IREB2: variants seen among roughly 807,000 people sequenced by gnomAD.
The protein encoded by IREB2 is iron-responsive element-binding protein 2.
A neutral mutation model predicts 118.8 loss-of-function variants in IREB2; 39 were observed. The observed-to-expected ratio is 0.33, with a 90% CI of 0.25 to 0.43. The LOEUF (loss-of-function observed/expected upper bound fraction) is 0.43, where lower values mean the gene tolerates loss of function less well. Among genes scored for constraint, IREB2 ranks in the 20% least tolerant of loss-of-function variants. The pLI, the probability that IREB2 is intolerant of heterozygous loss-of-function variation, is 1.00. For synonymous variants in IREB2, 372 were observed against 392.2 expected, an observed-to-expected ratio of 0.95 and a Z score of 0.61; for missense variants, 900 against 1,147.3, an observed-to-expected ratio of 0.78 and a Z score of 3.11.
chr15:78,488,769 G>A lies in IREB2; in HGVS notation c.2074G>A (p.Glu692Lys). The change falls in exon 16 of 22, where the codon GAA becomes AAA. Residue 692 changes from glutamate (E) to lysine (K), a missense_variant and splice_region_variant. Physicochemically the swap from Glu to Lys is moderately conservative, Grantham distance 56. Coordinates refer to ENST00000258886, the MANE Select transcript of IREB2 (RefSeq NM_004136.4). ...SMFKALKDKI[E>K]MGNKRWNSLE... ...GTTTAAAGCATTAAAAGATAAAATAGAAGTAAGAGTCTTATGTGTTTCTTA... is the reference window on the plus strand; with the variant it reads ...GTTTAAAGCATTAAAAGATAAAATAAAAGTAAGAGTCTTATGTGTTTCTTA... 1 of 1,482,826 alleles carries A rather than the reference G, an allele frequency of 6.7e-7. No individual in the cohort carries two copies. The highest frequency in any genetic ancestry group is 9.3e-7 in the Non-Finnish European group (1 of 1,069,786). The allele number at this position is 1,482,826 out of a possible 1,614,324, so 91.9% of individuals were successfully genotyped here. A position where few individuals can be genotyped will look rare whatever the true frequency, so the allele number is the denominator to read the frequency against.
intron 2 of IREB2, among the ~76,000 whole-genome samples, chr15:78,450,028 G>A (rs751985305): frequency 6.6e-6 from 1 of 152,082 alleles, no homozygotes; most frequent in Non-Finnish European, 1.5e-5. Flanking sequence ...ATTAGAAGAG[G>A]CAGACGTAAT....
chr15:78,448,821 G>T (rs1217807479), intron 2 of IREB2, among the ~76,000 whole-genome samples: 1 of 152,190 alleles, frequency 6.6e-6, no homozygotes, highest in Non-Finnish European at 1.5e-5. Context: ...GGCAGGCCTA[G>T]AGAACCTGTG....
chr15:78,488,173 T>C lies in IREB2; in HGVS notation c.1795-7T>C. ...TTTATTTGTTTGTGTGTTTGTGTTT[T>C]TTTCAGGGTGATTTGGTTACCTGTG... On this transcript the variant is annotated splice_region_variant and splice_polypyrimidine_tract_variant and intron_variant, in intron 14 of 21. Transcript: ENST00000258886. The C allele has an allele frequency of 6.2e-7, 1 of 1,603,288 alleles. No homozygotes were observed. Among genetic ancestry groups the C allele is most frequent in the South Asian group, 1.1e-5 (1 of 89,152 alleles).
Position 78,498,176 on chromosome 15 carries a change from G to A in IREB2, c.*33G>A. On this transcript the variant is annotated 3_prime_UTR_variant, in exon 22 of 22. Coordinates refer to ENST00000258886, the MANE Select transcript of IREB2 (RefSeq NM_004136.4). ...TTACCATAGATACCTTTCATAACTG[G>A]TAACTGCAAAGCCTTTTGTGCTGGA... 2 of 1,243,062 alleles carry A rather than the reference G, an allele frequency of 1.6e-6. No homozygotes were observed. The highest frequency in any genetic ancestry group is 2.4e-6 in the Non-Finnish European group (2 of 843,402). 77.0% of individuals were successfully genotyped at this position (1,243,062 alleles called of 1,614,324 possible).
chr15:78,448,641 C>G (rs2050972304), intron 2 of IREB2, among the ~76,000 whole-genome samples: 1 of 152,194 alleles, frequency 6.6e-6, no homozygotes, highest in Non-Finnish European at 1.5e-5. Context: ...GTTGCCAGGC[C>G]TGATGGGATT....
At position 78,487,662 on chromosome 15, in the gene IREB2, C is replaced by G. The variant is rs2051682213; in HGVS notation, c.1710-71C>G. The G allele has an allele frequency of 1.9e-5, 16 of 826,068 alleles. No individual in the cohort carries two copies. The South Asian group carries it at 2.3e-4, about 12-fold the overall frequency. The allele number at this position is 826,068 out of a possible 1,614,324, so 51.2% of individuals were successfully genotyped here. On this transcript the variant is annotated intron_variant, in intron 13 of 21. Coordinates refer to ENST00000258886, the MANE Select transcript of IREB2 (RefSeq NM_004136.4). ...TAATCTTATTACAGTGATAGAAATA[C>G]AAGATAAGACTTGTCCTTTCTCTAT... is the stretch of plus-strand genomic sequence containing the variant.
intron 2 of IREB2, among the ~76,000 whole-genome samples, chr15:78,456,460 C>T (rs1022407746): frequency 3.3e-5 from 5 of 151,726 alleles, no homozygotes; most frequent in Non-Finnish European, 2.9e-5. Flanking sequence ...CCCAGGAGTT[C>T]GAGAACTCCC....
rs570358843 is a variant in IREB2 at position 78,459,381 on chromosome 15, G to A, written c.107-3541G>A. On this transcript the variant is annotated intron_variant, in intron 2 of 21. Coordinates refer to ENST00000258886, the MANE Select transcript of IREB2 (RefSeq NM_004136.4). ...TTTTTGTTTTTTGAGACAGAGTCTCGCTCTGTTGCCCAGGCTGGAGTGCAG... is the reference window on the plus strand; with the variant it reads ...TTTTTGTTTTTTGAGACAGAGTCTCACTCTGTTGCCCAGGCTGGAGTGCAG... Among the ~76,000 whole-genome samples the A allele has an allele frequency of 1.2e-4, 18 of 151,252 alleles. No homozygotes were observed. In the South Asian group the frequency reaches 3.6e-3, roughly 30 times the overall value.
At chr15:78,467,047 G>C (rs540416282) in intron 5 of IREB2, among the ~76,000 whole-genome samples, 3 of 151,738 alleles carry the variant, frequency 2.0e-5, no homozygotes, top group African/African-American at 7.2e-5. Flanking sequence ...GTGAAACCCT[G>C]TGTCTACAAA....
chr15:78,495,372 A>G (rs925182277), intron 20 of IREB2, among the ~76,000 whole-genome samples: 1 of 152,290 alleles, frequency 6.6e-6, no homozygotes, highest in East Asian at 1.9e-4. Context: ...AGCTTTCCTT[A>G]TATGGCAGGT....
At chr15:78,490,267 A>G (rs112262783) in intron 16 of IREB2, among the ~76,000 whole-genome samples, 155 bp from the exon 17 acceptor site, 6 of 152,304 alleles carry the variant, frequency 3.9e-5, no homozygotes, top group African/African-American at 1.4e-4. Flanking sequence ...AGAAAAGAAT[A>G]CACTCTTAAT....
At chr15:78,456,499 C>CAA (rs943194351) in intron 2 of IREB2, among the ~76,000 whole-genome samples, 1 of 149,822 alleles carries the variant, frequency 6.7e-6, no homozygotes, top group East Asian at 2.0e-4. Flanking sequence ...CCTATTGCTA[C>CAA]AAAAAAAAAT....
chr15:78,499,179 A>G lies in IREB2; in HGVS notation c.*1036A>G, dbSNP rs542960198. ...AATCATTTATCACCTGCGATGCATG[A>G]TTCTATTAATTTTGTTATGTTACTG... On this transcript the variant is annotated 3_prime_UTR_variant, in exon 22 of 22. Coordinates refer to ENST00000258886, the MANE Select transcript of IREB2 (RefSeq NM_004136.4). 1.1e-3 allele frequency: 174 copies of G among 152,308 alleles called. 2 individuals carry two copies. The highest frequency in any genetic ancestry group is 4.2e-3 in the African/African-American group (173 of 41,578). 9.4% of individuals were successfully genotyped at this position (152,308 alleles called of 1,614,324 possible).
intron 4 of IREB2, among the ~76,000 whole-genome samples, 170 bp downstream of exon 4, chr15:78,465,558 T>G (rs975266263): frequency 1.3e-5 from 2 of 152,246 alleles, no homozygotes; most frequent in African/African-American, 4.8e-5. Flanking sequence ...AGTGGTGGGG[T>G]TTTTTTCATG....
Position 78,488,713 on chromosome 15 carries a change from G to T in IREB2, c.2018G>T (p.Arg673Leu). The change falls in exon 16 of 22, where the codon CGA (arginine) becomes CTA (leucine). Residue 673 changes from arginine to leucine, a missense_variant. Coordinates refer to ENST00000258886, the MANE Select transcript of IREB2 (RefSeq NM_004136.4). The part of the protein sequence containing the change: ...DIWPSREEVH[R>L]VEEEHVILSM... ...TGGCCTAGTCGAGAAGAAGTTCATC[G>T]AGTAGAGGAAGAACATGTTATACTA... The T allele has an allele frequency of 6.3e-7, 1 of 1,597,486 alleles. No individual in the cohort carries two copies. Among genetic ancestry groups the T allele is most frequent in the South Asian group, 1.1e-5 (1 of 90,654 alleles).
chr15:78,501,338 CAAT>C lies in IREB2; in HGVS notation c.*3199_*3201del, dbSNP rs2051942716. On this transcript the variant is annotated 3_prime_UTR_variant, in exon 22 of 22. Transcript: ENST00000258886. ...CAAAACAGTGTAACAGTTTTAAGTT[CAAT>C]AATGTTAAGTATTGTATAGAAATAT... 1 of 152,424 alleles carries C rather than the reference CAAT, an allele frequency of 6.6e-6. No homozygotes were observed. The highest frequency in any genetic ancestry group is 1.5e-5 in the Non-Finnish European group (1 of 68,018). The allele number at this position is 152,424 out of a possible 1,614,324, so 9.4% of individuals were successfully genotyped here. A position where few individuals can be genotyped will look rare whatever the true frequency, so the allele number is the denominator to read the frequency against.
At chr15:78,474,496 A>AAATGTGT (rs2051431555) in intron 8 of IREB2, 1 of 152,228 alleles carries the variant, frequency 6.6e-6, no homozygotes, top group Non-Finnish European at 1.5e-5. Flanking sequence ...TCAATTCTTT[A>AAATGTGT]CTTTAGACAT....
chr15:78,447,394 C>T, intron 2 of IREB2, among the ~76,000 whole-genome samples: 1 of 151,358 alleles, frequency 6.6e-6, no homozygotes, highest in African/African-American at 2.4e-5. Context: ...GCAGTGGCAC[C>T]GTCTCGGCTC....
chr15:78,476,070 A>G (rs762002594), intron 8 of IREB2, 118 bp from the exon 9 acceptor site: 44 of 612,772 alleles, frequency 7.2e-5, no homozygotes, highest in Non-Finnish European at 1.1e-4. Flanking sequence ...ACAATGAAGG[A>G]TCTCATTCCT....
Sources: gnomAD v4.1 joint callset for allele counts (sites outside exome capture counted in the v4.1 genomes callset) on GRCh38, gnomAD v4.1.1 for gene constraint, MANE v1.5 for transcripts, NCBI Gene and HGNC (gene_info 2026-07-23, HGNC 2026-07-21) for gene names.